Variants in ZNF732 observed in about 807,000 individuals in gnomAD.
ZNF732 encodes zinc finger protein 732.
ZNF732 carries 12 observed loss-of-function variants against 11.5 expected under a neutral mutation model. The ratio of observed to expected loss-of-function variants is 1.05; its 90% CI spans 0.67 to 1.70. ZNF732 has a LOEUF of 1.70. Among genes scored for constraint, ZNF732 ranks in the 40% most tolerant of loss-of-function variants. The pLI, the probability that ZNF732 is intolerant of heterozygous loss-of-function variation, is 0.00. For synonymous variants in ZNF732, 231 were observed against 236.5 expected (o/e 0.98, Z 0.21); for missense variants, 702 against 676.9 (o/e 1.04, Z -0.41).
intron 3 of ZNF732, among the ~76,000 whole-genome samples, chr4:295,087 A>C (rs1719916848): frequency 1.3e-5 from 2 of 152,184 alleles, no homozygotes; most frequent in Non-Finnish European, 2.9e-5. Flanking sequence ...ATGTACAAAA[A>C]GAATATTTGA....
At chr4:304,997 A>G (rs1477554202) in intron 1 of ZNF732, among the ~76,000 whole-genome samples, 1 of 152,020 alleles carries the variant, frequency 6.6e-6, no homozygotes, top group Non-Finnish European at 1.5e-5. Context: ...CGACGACCGG[A>G]CCACAGCTCC....
rs190592613 is a variant in ZNF732 at position 278,898 on chromosome 4, C to A, written c.227-6268G>T. Among the ~76,000 whole-genome samples the A allele has an allele frequency of 2.3e-3, 348 of 152,330 alleles. 1 individual carries two copies. Among genetic ancestry groups the A allele is most frequent in the African/African-American group, 7.9e-3 (329 of 41,586 alleles). ...TTGCTTCCTAGTCTGGTGGTGAATC[C>A]TCCATAGTCTGGTAAATGTAAATAT... On this transcript the variant is annotated intron_variant, in intron 3 of 3. Transcript: ENST00000419098.
intron 3 of ZNF732, among the ~76,000 whole-genome samples, chr4:284,870 C>CAAAAAAAAAAAAAAAAAAA (rs1163209652): frequency 1.8e-5 from 1 of 54,820 alleles, no homozygotes; most frequent in Admixed American, 2.1e-4. Flanking sequence ...GACTCTGTCT[C>CAAAAAAAAAAAAAAAAAAA]AAAAAAAAAA....
chr4:299,408 T>TATATATACAC (rs1468371649), intron 1 of ZNF732, among the ~76,000 whole-genome samples: 1 of 67,556 alleles, frequency 1.5e-5, no homozygotes, highest in African/African-American at 5.0e-5. Flanking sequence ...TATGTGTATA[T>TATATATACAC]ATATATACAC....
chr4:280,051 G>A (rs148574114), intron 3 of ZNF732, among the ~76,000 whole-genome samples: 1,947 of 151,662 alleles, frequency 0.013, 23 homozygotes, highest in Middle Eastern at 0.061. Flanking sequence ...GTACAGAGTT[G>A]AAAATTACCA....
chr4:284,659 T>C (rs1719689648), intron 3 of ZNF732, among the ~76,000 whole-genome samples: 2 of 151,240 alleles, frequency 1.3e-5, no homozygotes, highest in Admixed American at 1.3e-4. Flanking sequence ...GATCACGAGA[T>C]CAGGCAATCA....
rs1560165449 is a variant in ZNF732 at position 299,544 on chromosome 4, C to A, written c.4-3389G>T. On this transcript the variant is annotated intron_variant, in intron 1 of 3. Transcript: ENST00000419098. ...ATATGTGTATATATACATATATACA[C>A]ATATATATGTATATATATAGTTTTA... Among the ~76,000 whole-genome samples, 38 of 124,802 alleles carry A rather than the reference C, an allele frequency of 3.0e-4. 1 individual carries two copies. The highest frequency in any genetic ancestry group is 1.1e-3 in the African/African-American group (37 of 32,932). The allele number at this position is 124,802 out of a possible 152,430, so 81.9% of individuals were successfully genotyped here.
chr4:305,469 A>G lies in ZNF732; in HGVS notation c.-159T>C, dbSNP rs1720215468. 9.6e-7 allele frequency: 1 copy of G among 1,044,718 alleles called. No homozygotes were observed. Among genetic ancestry groups the G allele is most frequent in the Non-Finnish European group, 1.4e-6 (1 of 732,408 alleles). The allele number at this position is 1,044,718 out of a possible 1,614,324, so 64.7% of individuals were successfully genotyped here. Reference sequence around the variant, plus strand: ...CCCTAACCGAGCTCACGCTGGCGCAAAAGGCAAAAGCCGCGCCAGATCCCG... The same window carrying G: ...CCCTAACCGAGCTCACGCTGGCGCAGAAGGCAAAAGCCGCGCCAGATCCCG... On this transcript the variant is annotated 5_prime_UTR_variant, in exon 1 of 4. Transcript: ENST00000419098.
intron 1 of ZNF732, among the ~76,000 whole-genome samples, chr4:296,526 C>A (rs574679285): frequency 6.6e-6 from 1 of 152,134 alleles, no homozygotes; most frequent in Non-Finnish European, 1.5e-5. Flanking sequence ...AATGTTTCCA[C>A]CCAGAACAAC....
chr4:282,229 CATAA>C (rs782817141), intron 3 of ZNF732, among the ~76,000 whole-genome samples: 3 of 152,138 alleles, frequency 2.0e-5, no homozygotes, highest in East Asian at 1.9e-4. Context: ...TAAAGTGTGA[CATAA>C]ATAGTGTGTT....
intron 1 of ZNF732, among the ~76,000 whole-genome samples, chr4:303,566 A>T (rs149501538): frequency 2.6e-5 from 4 of 152,346 alleles, no homozygotes; most frequent in Non-Finnish European, 5.9e-5. Flanking sequence ...CAGTGAGCCG[A>T]TATCACGGCA....
intron 3 of ZNF732, 149 bp from the exon 4 acceptor site, chr4:272,779 A>T: frequency 1.3e-6 from 1 of 784,934 alleles, no homozygotes. Flanking sequence ...ATATATATGT[A>T]ACAAACATAT....
At chr4:279,314 T>G (rs1275119932) in intron 3 of ZNF732, among the ~76,000 whole-genome samples, 4 of 151,638 alleles carry the variant, frequency 2.6e-5, no homozygotes, top group Non-Finnish European at 4.4e-5. Context: ...GGCGTGGTGG[T>G]GGGCGCTTGT....
At chr4:281,365 C>T (rs960759713) in intron 3 of ZNF732, among the ~76,000 whole-genome samples, 23 of 152,228 alleles carry the variant, frequency 1.5e-4, no homozygotes, top group African/African-American at 4.8e-4. Flanking sequence ...TACTGCTCAT[C>T]TAGGAACCTG....
chr4:293,609 A>G (rs1296392968), intron 3 of ZNF732, among the ~76,000 whole-genome samples: 1 of 152,102 alleles, frequency 6.6e-6, no homozygotes, highest in African/African-American at 2.4e-5. Context: ...TCTAATGTAC[A>G]ATAGCATTAG....
intron 1 of ZNF732, among the ~76,000 whole-genome samples, chr4:297,571 C>A (rs1445885481): frequency 9.0e-6 from 1 of 110,622 alleles, no homozygotes; most frequent in East Asian, 2.9e-4. Flanking sequence ...AAATGCAATT[C>A]AGAGAAATTT....
chr4:299,982 G>C (rs1352792973), intron 1 of ZNF732, among the ~76,000 whole-genome samples: 4 of 150,300 alleles, frequency 2.7e-5, no homozygotes, highest in Middle Eastern at 3.4e-3. Flanking sequence ...AGGATTACAG[G>C]CGTGAGCCAC....
Position 305,383 on chromosome 4 carries a change from G to T in ZNF732, c.-73C>A. The stretch of plus-strand genomic sequence containing the variant: ...TACCCGCAGGTCACAGAGCGACGGA[G>T]GCTGAGGCTGTGACCGAATCACCGA... On this transcript the variant is annotated 5_prime_UTR_variant, in exon 1 of 4. Transcript: ENST00000419098. 6.3e-7 allele frequency: 1 copy of T among 1,595,064 alleles called. No homozygotes were observed. Among genetic ancestry groups the T allele is most frequent in the Non-Finnish European group, 8.5e-7 (1 of 1,172,032 alleles).
chr4:298,453 T>C (rs797034807), intron 1 of ZNF732, among the ~76,000 whole-genome samples: 1 of 152,208 alleles, frequency 6.6e-6, no homozygotes, highest in Admixed American at 6.5e-5. Flanking sequence ...CAACTCTTAT[T>C]TGGGTACAAA....
Sources: gnomAD v4.1 joint callset for allele counts (sites outside exome capture counted in the v4.1 genomes callset) on GRCh38, gnomAD v4.1.1 for gene constraint, MANE v1.5 for transcripts, NCBI Gene and HGNC (gene_info 2026-07-23, HGNC 2026-07-21) for gene names.